Variants in ZC3H18 observed in about 807,000 individuals in gnomAD.
ZC3H18 encodes the protein zinc finger CCCH-type containing 18.
In ZC3H18, 8 loss-of-function variants were observed where a neutral mutation model predicts 106.1. The observed-to-expected ratio is 0.08, with a 90% CI of 0.04 to 0.14. ZC3H18 has a LOEUF of 0.14. Ranked by LOEUF, ZC3H18 falls within the 10% of genes least tolerant of loss-of-function variation. ZC3H18 has a pLI of 1.00. For synonymous variants in ZC3H18, 635 were observed against 522.1 expected, an observed-to-expected ratio of 1.22 and a Z score of -2.95; for missense variants, 1,318 against 1,278.4, an observed-to-expected ratio of 1.03 and a Z score of -0.47.
intron 8 of ZC3H18, 91 bp downstream of exon 8, chr16:88,611,627 G>A (rs1905280831): frequency 6.8e-7 from 1 of 1,477,888 alleles, no homozygotes; most frequent in East Asian, 2.5e-5. Flanking sequence ...TCCCCTCTGT[G>A]GCCCACAGCT....
intron 6 of ZC3H18, among the ~76,000 whole-genome samples, chr16:88,606,378 G>A (rs12447451): frequency 0.076 from 11,559 of 152,294 alleles, 513 homozygotes; most frequent in Middle Eastern, 0.099. Context: ...CCACGCTGAG[G>A]AAATGCTGTG....
At chr16:88,595,916 A>C (rs184013081) in intron 3 of ZC3H18, among the ~76,000 whole-genome samples, 1 of 152,330 alleles carries the variant, frequency 6.6e-6, no homozygotes, top group African/African-American at 2.4e-5. Flanking sequence ...GTGTTCCTAC[A>C]CAGATAAAAG....
chr16:88,611,567 T>C, intron 8 of ZC3H18, 31 bp downstream of exon 8: 5 of 1,545,026 alleles, frequency 3.2e-6, no homozygotes, highest in Non-Finnish European at 4.4e-6. Flanking sequence ...CCCAGGGGTG[T>C]GGGGGAGGTC....
chr16:88,590,778 T>C (rs1915705702), intron 3 of ZC3H18, among the ~76,000 whole-genome samples: 1 of 151,696 alleles, frequency 6.6e-6, no homozygotes, highest in Non-Finnish European at 1.5e-5. Context: ...CAGGCTGGTC[T>C]CGAACCCCTG....
chr16:88,593,295 A>AC (rs1386569548), intron 3 of ZC3H18, among the ~76,000 whole-genome samples: 2 of 152,096 alleles, frequency 1.3e-5, no homozygotes, highest in African/African-American at 4.8e-5. Context: ...GCACCGCCGT[A>AC]CCCCCAACGG....
intron 8 of ZC3H18, among the ~76,000 whole-genome samples, chr16:88,616,964 C>T (rs994012265): frequency 2.6e-5 from 4 of 152,096 alleles, no homozygotes; most frequent in African/African-American, 9.7e-5. Flanking sequence ...CCAAGCTTCA[C>T]GAGAGGGGGC....
chr16:88,585,705 TGAG>T (rs1367789525), intron 2 of ZC3H18, among the ~76,000 whole-genome samples: 3 of 151,512 alleles, frequency 2.0e-5, no homozygotes, highest in South Asian at 2.1e-4. Context: ...CTGGAGGAGT[TGAG>T]GAGGGAATGA....
At chr16:88,606,560 C>T (rs528501126) in intron 6 of ZC3H18, among the ~76,000 whole-genome samples, 6 of 152,202 alleles carry the variant, frequency 3.9e-5, no homozygotes, top group South Asian at 2.1e-4. Flanking sequence ...ATTGGGCTTA[C>T]GCAATCAGCC....
At chr16:88,600,428 C>T (rs1014597757) in intron 6 of ZC3H18, among the ~76,000 whole-genome samples, 2 of 151,932 alleles carry the variant, frequency 1.3e-5, no homozygotes, top group African/African-American at 4.8e-5. Flanking sequence ...GGTTTTTTTT[C>T]CCGAGGCAGA....
In ZC3H18 at chr16:88,625,283, CT is replaced by C; in HGVS notation, c.2108+17del. 2 of 1,576,344 alleles carry C rather than the reference CT, an allele frequency of 1.3e-6. No homozygotes were observed. The highest frequency in any genetic ancestry group is 1.7e-6 in the Non-Finnish European group (2 of 1,160,974). On this transcript the variant is annotated intron_variant, in intron 13 of 17. Coordinates refer to ENST00000301011, the MANE Select transcript of ZC3H18 (RefSeq NM_144604.4). ...CCCGATCCAGGTCATCCCCATCACC[CT>C]GTGCCTCTGTTTCTCCCTCCCCGTC...
intron 1 of ZC3H18, among the ~76,000 whole-genome samples, chr16:88,574,797 A>C (rs1024347383): frequency 1.3e-5 from 2 of 148,666 alleles, no homozygotes; most frequent in African/African-American, 5.0e-5. Context: ...TACAGGCATG[A>C]ACCACCGCAC....
Position 88,605,510 on chromosome 16 carries a change from G to A in ZC3H18, c.1089-3424G>A, listed in dbSNP as rs553681339. ...CTCCTTTTCACCTTGGGTCTCTGCA[G>A]CAAGCAGGGACACGTGAGCATCTGA... On this transcript the variant is annotated intron_variant, in intron 6 of 17. Transcript: ENST00000301011. 4.6e-5 allele frequency among the ~76,000 whole-genome samples: 7 copies of A among 152,364 alleles called. No homozygotes were observed. The South Asian group carries it at 1.2e-3, about 27-fold the overall frequency.
At chr16:88,588,175 A>G (rs1330427858) in intron 3 of ZC3H18, among the ~76,000 whole-genome samples, 2 of 152,264 alleles carry the variant, frequency 1.3e-5, no homozygotes, top group East Asian at 3.8e-4. Context: ...CCTCTTTTCC[A>G]TAATAGTGTG....
At position 88,573,355 on chromosome 16, in the gene ZC3H18, A is replaced by G. The variant is rs776338382; in HGVS notation, c.-15+2789A>G. On this transcript the variant is annotated intron_variant, in intron 1 of 17. Transcript: ENST00000301011. ...TTACTAATGTCGATAGCTAGGCAAG[A>G]GAGAGAATTGCCAGTTTGCCACCGG... is the stretch of plus-strand genomic sequence containing the variant. Among the ~76,000 whole-genome samples the G allele has an allele frequency of 7.1e-4, 108 of 151,874 alleles. 3 individuals are homozygous for G. The highest frequency in any genetic ancestry group is 9.3e-4 in the Non-Finnish European group (63 of 67,924).
intron 2 of ZC3H18, among the ~76,000 whole-genome samples, chr16:88,584,635 A>G (rs1315819664): frequency 6.6e-6 from 1 of 152,174 alleles, no homozygotes; most frequent in African/African-American, 2.4e-5. Flanking sequence ...GACTGGGGTC[A>G]GTGTGTAGGT....
chr16:88,571,459 C>T (rs960408419), intron 1 of ZC3H18, among the ~76,000 whole-genome samples: 1 of 152,150 alleles, frequency 6.6e-6, no homozygotes, highest in Non-Finnish European at 1.5e-5. Flanking sequence ...TTGGGATTAT[C>T]CGGGTGAGGT....
chr16:88,624,543 G>A (rs1244691160), intron 11 of ZC3H18, 59 bp from the exon 12 acceptor site: 2 of 1,611,272 alleles, frequency 1.2e-6, no homozygotes, highest in African/African-American at 2.7e-5. Flanking sequence ...GAAAGGGGAT[G>A]TAGGCCAGCG....
Position 88,611,524 on chromosome 16 carries a change from C to T in ZC3H18, c.1463C>T (p.Pro488Leu), listed in dbSNP as rs973490280. The change falls in exon 8 of 18, where the codon CCG becomes CTG. Residue 488 changes from proline to leucine, a missense_variant. Physicochemically the swap from Pro to Leu is moderately conservative, Grantham distance 98. Around this residue, in one of 6 missense-constraint regions of ZC3H18, gnomAD observed 848 missense variants for 821.7 expected, o/e 1.03. Coordinates refer to ENST00000301011, the MANE Select transcript of ZC3H18 (RefSeq NM_144604.4). Reference protein sequence around the residue: ...KEKGKPKPRSPQPPSRQAEPP... With the variant: ...KEKGKPKPRSLQPPSRQAEPP... ...AAGGGGAAGCCCAAGCCCCGCTCCC[C>T]GCAGCCGCCAAGGTAGACCCTGCTT... is the stretch of plus-strand genomic sequence containing the variant. The T allele has an allele frequency of 1.6e-5, 25 of 1,549,794 alleles. No individual in the cohort carries two copies. The highest frequency in any genetic ancestry group is 2.2e-5 in the Non-Finnish European group (25 of 1,146,656).
intron 1 of ZC3H18, among the ~76,000 whole-genome samples, chr16:88,575,654 A>G (rs1914702339): frequency 6.6e-6 from 1 of 152,110 alleles, no homozygotes; most frequent in African/African-American, 2.4e-5. Flanking sequence ...TATTAACTTT[A>G]TAATTTAATC....
Sources: gnomAD v4.1 joint callset for allele counts (sites outside exome capture counted in the v4.1 genomes callset) on GRCh38, gnomAD v4.1.1 for gene constraint, gnomAD v4.1.1 regional missense constraint, MANE v1.5 for transcripts, NCBI Gene and HGNC (gene_info 2026-07-23, HGNC 2026-07-21) for gene names.